The following SP140 variants were observed in gnomAD, a reference collection of about 807,000 sequenced individuals.
The protein encoded by SP140 is nuclear body protein SP140.
In SP140, 81 loss-of-function variants were observed where a neutral mutation model predicts 125.0. The observed-to-expected ratio is 0.65, with a 90% confidence interval of 0.54 to 0.78. SP140 has a LOEUF of 0.78. Among genes scored for constraint, SP140 ranks in the 30% least tolerant of loss-of-function variants. The probability of loss-of-function intolerance (pLI) is 0.00; values close to 1 mark genes in which losing one functional copy is unlikely to be tolerated. For synonymous variants in SP140, 312 were observed against 354.0 expected, an observed-to-expected ratio of 0.88 and a Z score of 1.33; for missense variants, 858 against 1,037.0, an observed-to-expected ratio of 0.83 and a Z score of 2.37.
At chr2:230,216,597 C>G (rs763676456) in intron 3 of SP140, among the ~76,000 whole-genome samples, 23 of 152,290 alleles carry the variant, frequency 1.5e-4, no homozygotes, top group Non-Finnish European at 3.4e-4. Context: ...TTATGACACC[C>G]TAGAAACCAA....
chr2:230,222,333 A>G (rs1046966520), upstream of SP140, among the ~76,000 whole-genome samples: 1 of 152,108 alleles, frequency 6.6e-6, no homozygotes, highest in African/African-American at 2.4e-5. Context: ...TAAATTATAC[A>G]TAATTCTTTT....
In SP140 at chr2:230,292,768, C is replaced by A. The variant is rs760068179; in HGVS notation, c.1948C>A (p.Pro650Thr). 2 of 1,613,642 alleles carry A rather than the reference C, an allele frequency of 1.2e-6. No individual in the cohort carries two copies. The highest frequency in any genetic ancestry group is 1.7e-6 in the Non-Finnish European group (2 of 1,179,848). The change falls in exon 20 of 27, where the codon CCC (proline) becomes ACC (threonine). Residue 650 changes from proline to threonine, a missense_variant. Around this residue, in one of 4 missense-constraint regions of SP140, gnomAD observed 791 missense variants for 869.5 expected, o/e 0.91. Transcript: ENST00000392045. ...GCTGAGTGTGCGCTGTGGCGGGTGGCCCCTACGATGGCTGATGGAGGTATT... is the reference window on the plus strand; with the variant it reads ...GCTGAGTGTGCGCTGTGGCGGGTGGACCCTACGATGGCTGATGGAGGTATT... ...WRLSVRCGGWPLRWLMENGFL... is the reference protein window; with the variant it reads ...WRLSVRCGGWTLRWLMENGFL...
intron 1 of SP140, among the ~76,000 whole-genome samples, chr2:230,236,117 C>T (rs1321136905): frequency 3.3e-5 from 5 of 152,132 alleles, no homozygotes; most frequent in East Asian, 3.9e-4. Context: ...CCTTGTGATC[C>T]GCCTGTCTCG....
upstream of SP140, among the ~76,000 whole-genome samples, chr2:230,199,609 G>A (rs887809004): frequency 6.6e-6 from 1 of 151,830 alleles, no homozygotes; most frequent in Non-Finnish European, 1.5e-5. Flanking sequence ...AAAGCATAAC[G>A]CTTTTTCTGG....
upstream of SP140, among the ~76,000 whole-genome samples, chr2:230,198,846 C>A (rs976843560): frequency 2.0e-5 from 3 of 152,184 alleles, no homozygotes; most frequent in African/African-American, 7.2e-5. Flanking sequence ...GATCCACCCA[C>A]CTCGGCCTCC....
At chr2:230,292,266 GC>G (rs1261784378) in intron 19 of SP140, among the ~76,000 whole-genome samples, 1 of 152,160 alleles carries the variant, frequency 6.6e-6, no homozygotes, top group Admixed American at 6.5e-5. Flanking sequence ...CTCCAACATT[GC>G]CCTCACAGCC....
At chr2:230,292,428 A>G (rs539727652) in intron 19 of SP140, among the ~76,000 whole-genome samples, 4 of 152,320 alleles carry the variant, frequency 2.6e-5, no homozygotes, top group African/African-American at 9.6e-5. Flanking sequence ...CTCCTCATGG[A>G]TGAAGGTCAA....
At chr2:230,190,696 C>A in the SP140 span, among the ~76,000 whole-genome samples, 1 of 152,084 alleles carries the variant, frequency 6.6e-6, no homozygotes, top group African/African-American at 2.4e-5. Flanking sequence ...TTGGGTTTTA[C>A]ATTTAAGTCT....
intron 3 of SP140, among the ~76,000 whole-genome samples, chr2:230,241,109 C>A (rs1258944317): frequency 6.6e-6 from 1 of 152,124 alleles, no homozygotes; most frequent in Admixed American, 6.6e-5. Context: ...CAGACAAGTA[C>A]AGTGCCAGAA....
chr2:230,307,111 G>A (rs2058834767), intron 22 of SP140, among the ~76,000 whole-genome samples: 1 of 152,124 alleles, frequency 6.6e-6, no homozygotes, highest in Admixed American at 6.5e-5. Context: ...ACACTCCAGG[G>A]ACTACCTGCC....
At chr2:230,287,267 G>A (rs1334338877) in intron 17 of SP140, among the ~76,000 whole-genome samples, 5 of 152,038 alleles carry the variant, frequency 3.3e-5, no homozygotes, top group Admixed American at 3.3e-4. Flanking sequence ...ACAAAGCCCT[G>A]GTCACATTTA....
intron 26 of SP140, among the ~76,000 whole-genome samples, chr2:230,311,823 C>A (rs936286397): frequency 6.6e-5 from 10 of 152,240 alleles, no homozygotes; most frequent in African/African-American, 9.6e-5. Context: ...GCTCCTCCCC[C>A]ACCTGCCCCA....
At chr2:230,280,517 C>T (rs528984715) in intron 15 of SP140, among the ~76,000 whole-genome samples, 31 of 152,078 alleles carry the variant, frequency 2.0e-4, no homozygotes, top group Non-Finnish European at 3.7e-4. Flanking sequence ...CCTATATCTT[C>T]TGTGGTATTG....
chr2:230,223,985 G>A (rs2046032278), upstream of SP140, among the ~76,000 whole-genome samples: 1 of 152,184 alleles, frequency 6.6e-6, no homozygotes, highest in Admixed American at 6.5e-5. Context: ...AACCAGAGAT[G>A]GTCTGATGGT....
chr2:230,315,483 C>G (rs2149655039), downstream of SP140, among the ~76,000 whole-genome samples: 1 of 152,190 alleles, frequency 6.6e-6, no homozygotes, highest in East Asian at 1.9e-4. Context: ...TCACAATGGG[C>G]CCTCTGGATC....
chr2:230,224,427 G>C (rs2046077384), upstream of SP140, among the ~76,000 whole-genome samples: 1 of 139,142 alleles, frequency 7.2e-6, no homozygotes, highest in African/African-American at 2.9e-5. Context: ...TTGTTTTAAA[G>C]AGGGAGGGAG....
chr2:230,253,709 A>G (rs2149243615), intron 11 of SP140, among the ~76,000 whole-genome samples: 1 of 152,334 alleles, frequency 6.6e-6, no homozygotes, highest in African/African-American at 2.4e-5. Context: ...GGGTGATGTT[A>G]TTAAAAACAC....
Position 230,248,907 on chromosome 2 carries a change from C to T in SP140, c.915C>T (p.Pro305=), listed in dbSNP as rs1310737111. The change falls in exon 9 of 27, where the codon CCC becomes CCT. Residue 305 remains proline (P), a synonymous_variant. Transcript: ENST00000392045. Reference sequence around the variant, plus strand: ...CAGAGACCTTTGATCTAAAAACTCCCCAAGTCACTAATGAAGGAGAACCAG... The same window carrying T: ...CAGAGACCTTTGATCTAAAAACTCCTCAAGTCACTAATGAAGGAGAACCAG... ...RDKETFDLKT[P]QVTNEGEPEK... 1.9e-6 allele frequency: 3 copies of T among 1,612,482 alleles called. No homozygotes were observed.
chr2:230,288,184 G>T (rs915688609), intron 18 of SP140: 112 of 458,226 alleles, frequency 2.4e-4, no homozygotes, highest in African/African-American at 2.1e-3. Flanking sequence ...GGGCCCAGGG[G>T]CCACTAAAGT....
Sources: gnomAD v4.1 joint callset for allele counts (sites outside exome capture counted in the v4.1 genomes callset) on GRCh38, gnomAD v4.1.1 for gene constraint, gnomAD v4.1.1 regional missense constraint, MANE v1.5 for transcripts, NCBI Gene and HGNC (gene_info 2026-07-23, HGNC 2026-07-21) for gene names.